DRC11L: variants seen among roughly 807,000 people sequenced by gnomAD.
DRC11L encodes the protein dynein regulatory complex subunit 11 like, also known as dynein regulatory complex subunit like-11.
chr7:151,194,373 T>C, the DRC11L span: 2 of 398,980 alleles, frequency 5.0e-6, no homozygotes, highest in East Asian at 7.1e-5. Context: ...CCTGTGGCGA[T>C]AGGCAGCCAC....
the DRC11L span, among the ~76,000 whole-genome samples, chr7:151,197,530 G>A: frequency 6.6e-6 from 1 of 152,182 alleles, no homozygotes; most frequent in Non-Finnish European, 1.5e-5. Flanking sequence ...CAAGGAGAAA[G>A]GGTGCCCAAG....
At chr7:151,194,278 A>G in the DRC11L span, 4 of 399,226 alleles carry the variant, frequency 1.0e-5, no homozygotes, top group Non-Finnish European at 1.8e-5. Flanking sequence ...CCGCATACAA[A>G]GCCACATTCT....
At chr7:151,204,320 T>C in the DRC11L span, among the ~76,000 whole-genome samples, 2 of 152,120 alleles carry the variant, frequency 1.3e-5, no homozygotes, top group Non-Finnish European at 2.9e-5. Context: ...TTCCTAGCAG[T>C]TGTCCCAACA....
At chr7:151,204,434 C>T in the DRC11L span, 1 of 320,050 alleles carries the variant, frequency 3.1e-6, no homozygotes, top group Non-Finnish European at 5.5e-6. Context: ...CCCAGGTGGT[C>T]AAGGCCGGTC....
the DRC11L span, among the ~76,000 whole-genome samples, chr7:151,199,803 C>G: frequency 6.6e-6 from 1 of 152,252 alleles, no homozygotes; most frequent in Admixed American, 6.5e-5. The surrounding 1 kb of genome is among the most constrained non-coding windows in gnomAD (Gnocchi z 5.2). Context: ...CATGCTCCGG[C>G]CACCCCTCCA....
At chr7:151,200,571 G>A in the DRC11L span, 1 of 397,920 alleles carries the variant, frequency 2.5e-6, no homozygotes, top group Non-Finnish European at 4.4e-6. Context: ...CCGGTGGGGT[G>A]GGGAGGAGCC....
At chr7:151,203,779 T>G in the DRC11L span, among the ~76,000 whole-genome samples, 2 of 152,166 alleles carry the variant, frequency 1.3e-5, no homozygotes, top group Admixed American at 1.3e-4. Context: ...CACAATCAAC[T>G]GGGAAGCTCT....
chr7:151,196,956 C>T, the DRC11L span: 35 of 399,226 alleles, frequency 8.8e-5, no homozygotes, highest in African/African-American at 6.6e-4. Flanking sequence ...GACACTCTTC[C>T]CCAGCCATCT....
the DRC11L span, among the ~76,000 whole-genome samples, chr7:151,191,368 G>A: frequency 1.3e-5 from 2 of 152,096 alleles, no homozygotes; most frequent in African/African-American, 4.8e-5. Context: ...GGAAAGGTGG[G>A]TGGCAGCTGC....
the DRC11L span, among the ~76,000 whole-genome samples, chr7:151,205,282 C>T: frequency 7.2e-5 from 11 of 152,112 alleles, no homozygotes; most frequent in African/African-American, 2.7e-4. Flanking sequence ...TGGAATTAAC[C>T]ATCGGAGGGA....
chr7:151,198,231 T>A, the DRC11L span, among the ~76,000 whole-genome samples: 1 of 135,978 alleles, frequency 7.4e-6, no homozygotes, highest in Non-Finnish European at 1.6e-5. Flanking sequence ...GACAGATGGA[T>A]AGACAGATGG....
At chr7:151,196,994 C>CCGGCACAGATCATAGGGATA in the DRC11L span, 1 of 399,308 alleles carries the variant, frequency 2.5e-6, no homozygotes, top group Non-Finnish European at 4.4e-6. Context: ...TTCTTCATGC[C>CCGGCACAGATCATAGGGATA]CGGCACAGAT....
the DRC11L span, among the ~76,000 whole-genome samples, chr7:151,202,589 C>T: frequency 3.9e-5 from 6 of 152,268 alleles, no homozygotes; most frequent in African/African-American, 9.6e-5. Flanking sequence ...TGGTGGCTCA[C>T]GCCTGTAATC....
chr7:151,196,765 G>T, the DRC11L span, among the ~76,000 whole-genome samples: 1 of 152,174 alleles, frequency 6.6e-6, no homozygotes, highest in African/African-American at 2.4e-5. Context: ...TGACCCCAAG[G>T]CCTGTGGCCA....
At chr7:151,197,491 G>A in the DRC11L span, among the ~76,000 whole-genome samples, 1 of 152,178 alleles carries the variant, frequency 6.6e-6, no homozygotes, top group African/African-American at 2.4e-5. Context: ...GGTCGGGACA[G>A]CTGAGCATGC....
chr7:151,193,647 G>A, the DRC11L span, among the ~76,000 whole-genome samples: 3 of 152,204 alleles, frequency 2.0e-5, no homozygotes, highest in East Asian at 1.9e-4. Flanking sequence ...AGGTCCCCTA[G>A]TCCACTAGGT....
At chr7:151,196,859 G>A in the DRC11L span, 1 of 398,530 alleles carries the variant, frequency 2.5e-6, no homozygotes, top group East Asian at 3.6e-5. Context: ...TGTCCCCTTT[G>A]CCTACACACC....
chr7:151,192,654 T>A, the DRC11L span: 1 of 398,992 alleles, frequency 2.5e-6, no homozygotes, highest in Non-Finnish European at 4.4e-6. Context: ...TGGTTGGGGT[T>A]TGGAGCGACT....
the DRC11L span, chr7:151,194,342 G>T: frequency 2.5e-6 from 1 of 399,096 alleles, no homozygotes; most frequent in Non-Finnish European, 4.4e-6. Flanking sequence ...ACTCAGAGTG[G>T]ATCCAAGATA....
Sources: allele counts gnomAD v4.1 joint callset (sites outside exome capture counted in the v4.1 genomes callset), GRCh38; gene constraint gnomAD v4.1.1; non-coding constraint Gnocchi (gnomAD v3.1); transcripts MANE v1.5; gene names NCBI Gene and HGNC (gene_info 2026-07-23, HGNC 2026-07-21).